The following FRMD8 variants were observed in gnomAD, a reference collection of about 807,000 sequenced individuals.
FRMD8 encodes FERM domain-containing protein 8.
FRMD8 carries 37 observed loss-of-function variants against 54.2 expected under a neutral mutation model. The ratio of observed to expected loss-of-function variants is 0.68; its 90% CI spans 0.53 to 0.90. The LOEUF is 0.90. FRMD8 is among the 40% of genes least tolerant of loss of function. The pLI, the probability that FRMD8 is intolerant of heterozygous loss-of-function variation, is 0.00. For missense variants in FRMD8, 585 were observed against 653.7 expected (o/e 0.89, Z 1.15); for synonymous variants, 246 against 286.9 (o/e 0.86, Z 1.44).
chr11:65,380,041 A>C, the FRMD8 span: 1 of 1,584,844 alleles, frequency 6.3e-7, no homozygotes, highest in African/African-American at 1.3e-5. Context: ...AGAGGCAGGA[A>C]AGGCAAGATT....
chr11:65,379,412 G>A, the FRMD8 span: 3 of 1,612,670 alleles, frequency 1.9e-6, no homozygotes, highest in South Asian at 2.2e-5. Flanking sequence ...CTAGGAAGAT[G>A]TGCATGTAGC....
At chr11:65,401,120 G>C (rs1856068671) in intron 9 of FRMD8, among the ~76,000 whole-genome samples, 1 of 152,058 alleles carries the variant, frequency 6.6e-6, no homozygotes, top group Non-Finnish European at 1.5e-5. Context: ...GCTGTTTGTT[G>C]AGGGCTTGCT....
At chr11:65,375,693 T>C in the FRMD8 span, 1 of 152,018 alleles carries the variant, frequency 6.6e-6, no homozygotes, top group Non-Finnish European at 1.5e-5. Flanking sequence ...TCCTGGGTCA[T>C]GGGGGAGAGA....
intron 7 of FRMD8, among the ~76,000 whole-genome samples, chr11:65,398,481 G>A (rs1033955987): frequency 6.6e-6 from 1 of 152,232 alleles, no homozygotes; most frequent in Non-Finnish European, 1.5e-5. Context: ...AGGTGAGAAG[G>A]GGCCCTGGGC....
At chr11:65,371,312 G>A in the FRMD8 span, among the ~76,000 whole-genome samples, 1 of 152,088 alleles carries the variant, frequency 6.6e-6, no homozygotes. Context: ...ATACACATAA[G>A]TTAGTCTCCT....
intron 3 of FRMD8, among the ~76,000 whole-genome samples, chr11:65,392,997 G>A (rs1855873482): frequency 6.6e-6 from 1 of 152,214 alleles, no homozygotes; most frequent in South Asian, 2.1e-4. Flanking sequence ...GGCAGGAGCA[G>A]AGTGGGAGAG....
the FRMD8 span, chr11:65,376,493 C>T: frequency 1.2e-6 from 2 of 1,614,072 alleles, no homozygotes; most frequent in African/African-American, 2.7e-5. Context: ...ATGGTGACCC[C>T]CCGGAAGAAG....
chr11:65,373,730 G>C, the FRMD8 span, among the ~76,000 whole-genome samples: 1 of 152,090 alleles, frequency 6.6e-6, no homozygotes, highest in African/African-American at 2.4e-5. Context: ...CTGTCTACAG[G>C]CACAGTGCCA....
At position 65,400,703 on chromosome 11, in the gene FRMD8, T is replaced by C. The variant is rs1053818201; in HGVS notation, c.928-21T>C. 1.9e-6 allele frequency: 3 copies of C among 1,559,122 alleles called. No homozygotes were observed. The African/African-American group carries it at 4.0e-5, about 21-fold the overall frequency. ...CCTCTGCCCAGGGGTCAAGCCTGGC[T>C]CTGTGTCTCCTGCTGGCCAGCATGT... is the stretch of plus-strand genomic sequence containing the variant. On this transcript the variant is annotated intron_variant, in intron 8 of 10. Coordinates refer to ENST00000317568, the MANE Select transcript of FRMD8 (RefSeq NM_031904.5). This position sits in a 1 kb window ranked among gnomAD's most constrained non-coding sequence, Gnocchi z 4.3.
upstream of FRMD8, chr11:65,383,769 A>C (rs1855679280): frequency 8.8e-6 from 1 of 113,930 alleles, no homozygotes; most frequent in African/African-American, 3.3e-5. Flanking sequence ...AAAAAAAAAA[A>C]CAAACAAACA....
intron 9 of FRMD8, among the ~76,000 whole-genome samples, chr11:65,401,549 C>T (rs1006857259): frequency 4.6e-5 from 7 of 151,140 alleles, no homozygotes; most frequent in African/African-American, 1.7e-4. Flanking sequence ...CCCTTCACCC[C>T]TCCCTTGGCA....
chr11:65,399,271 T>A (rs1856019061), intron 7 of FRMD8, among the ~76,000 whole-genome samples: 1 of 152,052 alleles, frequency 6.6e-6, no homozygotes, highest in Non-Finnish European at 1.5e-5. Flanking sequence ...AGTGCTGAGA[T>A]CACAGGCATG....
rs1287846168 is a variant in FRMD8, at chr11:65,404,642, C to G, written c.1072-222C>G. ...CTTCTGACCAGAATGTTCTTTCTTT[C>G]CCACCTGAACTCCCAGATCTGGAGA... On this transcript the variant is annotated intron_variant, in intron 9 of 10. Transcript: ENST00000317568. This position sits in a 1 kb window ranked among gnomAD's most constrained non-coding sequence, Gnocchi z 4.7. 6.6e-6 allele frequency among the ~76,000 whole-genome samples: 1 copy of G among 151,980 alleles called. No homozygotes were observed. Among genetic ancestry groups the G allele is most frequent in the Non-Finnish European group, 1.5e-5 (1 of 68,006 alleles).
upstream of FRMD8, chr11:65,381,817 C>G: frequency 6.6e-7 from 1 of 1,505,212 alleles, no homozygotes; most frequent in Non-Finnish European, 9.2e-7. Context: ...CAGGCCGGAA[C>G]TCAGACTTTG....
At chr11:65,370,207 C>T in the FRMD8 span, among the ~76,000 whole-genome samples, 22 of 150,876 alleles carry the variant, frequency 1.5e-4, no homozygotes, top group Non-Finnish European at 3.0e-4. Flanking sequence ...GGCAACAGAG[C>T]GAGACTGTCT....
the FRMD8 span, among the ~76,000 whole-genome samples, chr11:65,368,603 G>A: frequency 8.6e-5 from 13 of 151,704 alleles, no homozygotes; most frequent in Admixed American, 2.6e-4. Context: ...TTGCTCTGTC[G>A]CCCAGGCTGG....
the FRMD8 span, chr11:65,376,718 G>C: frequency 5.6e-6 from 9 of 1,613,652 alleles, no homozygotes; most frequent in African/African-American, 5.3e-5. Context: ...ACCCAGAACA[G>C]AGCATCCTCC....
the FRMD8 span, among the ~76,000 whole-genome samples, chr11:65,372,916 G>A: frequency 6.6e-6 from 1 of 152,130 alleles, no homozygotes; most frequent in African/African-American, 2.4e-5. Flanking sequence ...CTGGCGCTGC[G>A]GTGGTGCTGG....
chr11:65,384,557 A>C (rs1565591529), upstream of FRMD8, among the ~76,000 whole-genome samples: 1 of 152,108 alleles, frequency 6.6e-6, no homozygotes, highest in Non-Finnish European at 1.5e-5. Context: ...GGCAACTGCT[A>C]ATACTTATTT....
Sources: gnomAD v4.1 joint callset for allele counts (sites outside exome capture counted in the v4.1 genomes callset) on GRCh38, gnomAD v4.1.1 for gene constraint, Gnocchi (gnomAD v3.1) non-coding constraint, MANE v1.5 for transcripts, NCBI Gene and HGNC (gene_info 2026-07-23, HGNC 2026-07-21) for gene names.